Variants in FSTL4 observed in about 807,000 individuals in gnomAD.
FSTL4 encodes the protein follistatin-related protein 4.
A neutral mutation model predicts 78.2 loss-of-function variants in FSTL4; 28 were observed. That is an observed-to-expected ratio of 0.36 (90% CI 0.27 to 0.49). The LOEUF is 0.49. Ranked by LOEUF, FSTL4 falls within the 20% of genes least tolerant of loss-of-function variation. The probability of loss-of-function intolerance (pLI) is 0.98; values close to 1 mark genes in which losing one functional copy is unlikely to be tolerated. For missense variants in FSTL4, 922 were observed against 1,084.9 expected (o/e 0.85, Z 2.11); for synonymous variants, 422 against 440.5 (o/e 0.96, Z 0.53).
At chr5:133,599,861 C>T (rs1020125519) in intron 2 of FSTL4, among the ~76,000 whole-genome samples, 1 of 151,910 alleles carries the variant, frequency 6.6e-6, no homozygotes, top group Non-Finnish European at 1.5e-5. Flanking sequence ...GGGGCGGCCA[C>T]TGCAGCACCC....
intron 3 of FSTL4, among the ~76,000 whole-genome samples, chr5:133,503,909 G>A (rs184183715): frequency 6.6e-6 from 1 of 152,288 alleles, no homozygotes; most frequent in Non-Finnish European, 1.5e-5. Flanking sequence ...GGGCTGGGGA[G>A]GCCTCAGGTA....
intron 13 of FSTL4, among the ~76,000 whole-genome samples, chr5:133,216,444 C>G (rs1381605479): frequency 6.8e-6 from 1 of 146,310 alleles, no homozygotes; most frequent in African/African-American, 2.7e-5. Context: ...CTCGGCCTCC[C>G]GTCAAGTGAT....
intron 4 of FSTL4, chr5:133,388,355 G>A (rs1481698147): frequency 6.6e-6 from 1 of 152,182 alleles, no homozygotes; most frequent in Non-Finnish European, 1.5e-5. Flanking sequence ...GATAAGTGTA[G>A]AATTCTTGCA....
chr5:133,735,182 C>T, the FSTL4 span, among the ~76,000 whole-genome samples: 3 of 152,066 alleles, frequency 2.0e-5, no homozygotes, highest in Non-Finnish European at 2.9e-5. Flanking sequence ...AAAAAAAGGC[C>T]GGCCGAGCAC....
chr5:133,521,629 T>C (rs576426337), intron 3 of FSTL4, among the ~76,000 whole-genome samples: 100 of 152,278 alleles, frequency 6.6e-4, no homozygotes, highest in African/African-American at 2.3e-3. Flanking sequence ...ACAGAAGAAA[T>C]GATTCTCAAT....
the FSTL4 span, among the ~76,000 whole-genome samples, chr5:133,785,207 C>T: frequency 6.6e-6 from 1 of 152,190 alleles, no homozygotes; most frequent in Non-Finnish European, 1.5e-5. Flanking sequence ...AGAAAGCAGG[C>T]ACCACAGCCC....
chr5:133,240,433 G>T (rs947963638), intron 7 of FSTL4, among the ~76,000 whole-genome samples: 5 of 152,228 alleles, frequency 3.3e-5, no homozygotes, highest in African/African-American at 1.2e-4. Context: ...GAGGGCTGTT[G>T]TGGGCAGCTG....
intron 3 of FSTL4, among the ~76,000 whole-genome samples, chr5:133,529,118 C>G (rs1024050050): frequency 1.3e-5 from 2 of 152,194 alleles, no homozygotes; most frequent in Admixed American, 1.3e-4. Flanking sequence ...GCTGCCTTGA[C>G]AATCTGAACA....
chr5:133,567,608 T>C (rs1760056174), intron 2 of FSTL4, among the ~76,000 whole-genome samples: 1 of 152,166 alleles, frequency 6.6e-6, no homozygotes, highest in Admixed American at 6.5e-5. Context: ...GGGCTAAAAT[T>C]ATCTGGCCAG....
the FSTL4 span, among the ~76,000 whole-genome samples, chr5:133,635,140 A>G: frequency 6.6e-6 from 1 of 152,056 alleles, no homozygotes; most frequent in Admixed American, 6.6e-5. Context: ...GTTGGAGTGG[A>G]AAGCAGGCCC....
the FSTL4 span, among the ~76,000 whole-genome samples, chr5:133,742,403 CA>C: frequency 2.0e-5 from 3 of 152,180 alleles, no homozygotes; most frequent in Non-Finnish European, 4.4e-5. Flanking sequence ...AGAAAAAAAT[CA>C]ATGTCCTTCA....
At chr5:133,448,395 G>C (rs1025319738) in intron 3 of FSTL4, among the ~76,000 whole-genome samples, 1 of 152,216 alleles carries the variant, frequency 6.6e-6, no homozygotes, top group African/African-American at 2.4e-5. Context: ...CAGTGGCACA[G>C]CCCAGAGTGC....
At chr5:133,304,674 G>A (rs767230118) in intron 6 of FSTL4, among the ~76,000 whole-genome samples, 16 of 152,282 alleles carry the variant, frequency 1.1e-4, no homozygotes, top group Non-Finnish European at 2.2e-4. Context: ...GAAAGTGCCC[G>A]GTCCCACCAT....
intron 2 of FSTL4, among the ~76,000 whole-genome samples, chr5:133,582,140 C>T (rs1237719675): frequency 2.6e-5 from 4 of 152,170 alleles, no homozygotes; most frequent in South Asian, 2.1e-4. Flanking sequence ...CCATGAGGAC[C>T]GATGCCAGCT....
At chr5:133,581,080 G>T (rs1760393196) in intron 2 of FSTL4, among the ~76,000 whole-genome samples, 1 of 152,166 alleles carries the variant, frequency 6.6e-6, no homozygotes, top group East Asian at 1.9e-4. Flanking sequence ...TACACACTTT[G>T]ATTAGAAGGC....
rs1374188726 is a variant in FSTL4 at position 133,388,588 on chromosome 5, T to C, written c.409+12150A>G. On this transcript the variant is annotated intron_variant, in intron 4 of 15. Coordinates refer to ENST00000265342, the MANE Select transcript of FSTL4 (RefSeq NM_015082.2). ...CCCCAGTGCAACACCAGGTAGGACT[T>C]TTTTTTTTTTTGTCTGCTTTGTTTT... is the stretch of plus-strand genomic sequence containing the variant. 2.0e-5 allele frequency: 3 copies of C among 149,380 alleles called. No homozygotes were observed. In the East Asian group the frequency reaches 5.8e-4, roughly 29 times the overall value. The allele number at this position is 149,380 out of a possible 1,614,324, so 9.3% of individuals were successfully genotyped here.
At chr5:133,297,621 G>A (rs1192309090) in intron 6 of FSTL4, among the ~76,000 whole-genome samples, 2 of 152,168 alleles carry the variant, frequency 1.3e-5, no homozygotes, top group South Asian at 2.1e-4. Flanking sequence ...AATAACAAAT[G>A]TCACAGCACA....
At chr5:133,835,817 G>A in the FSTL4 span, among the ~76,000 whole-genome samples, 61 of 152,250 alleles carry the variant, frequency 4.0e-4, no homozygotes, top group African/African-American at 1.1e-3. Flanking sequence ...ATTTCCTACC[G>A]TGATTATAAA....
the FSTL4 span, among the ~76,000 whole-genome samples, chr5:133,663,543 C>A: frequency 6.6e-6 from 1 of 152,240 alleles, no homozygotes; most frequent in Non-Finnish European, 1.5e-5. Context: ...TGCCTCTTCA[C>A]GTGCCTCATC....
Sources: gnomAD v4.1 joint callset for allele counts (sites outside exome capture counted in the v4.1 genomes callset) on GRCh38, gnomAD v4.1.1 for gene constraint, MANE v1.5 for transcripts, NCBI Gene and HGNC (gene_info 2026-07-23, HGNC 2026-07-21) for gene names.